ARL17A: variants seen among roughly 807,000 people sequenced by gnomAD.
ARL17A encodes ARF like GTPase 17A.
chr17:46,504,840 C>A, the ARL17A span, among the ~76,000 whole-genome samples: 1 of 117,214 alleles, frequency 8.5e-6, no homozygotes, highest in African/African-American at 3.6e-5. Context: ...AAATAAATTG[C>A]TTTAATAAAT....
chr17:46,554,720 A>ATAAAG lies in ARL17A; in HGVS notation c.*2631_*2635dup. Reference sequence around the variant, plus strand: ...TGCTTGAGGTGATCCAACTTATAGAATAAAGTATCTAGAAAACGAAGAACC... The same window carrying ATAAAG: ...TGCTTGAGGTGATCCAACTTATAGAATAAAGTAAAGTATCTAGAAAACGAAGAACC... On this transcript the variant is annotated 3_prime_UTR_variant, in exon 4 of 4. Coordinates refer to ENST00000336125, the MANE Select transcript of ARL17A (RefSeq NM_001113738.2). 2.3e-4 allele frequency: 8 copies of ATAAAG among 34,668 alleles called. No individual in the cohort carries two copies. The highest frequency in any genetic ancestry group is 2.2e-4 in the Non-Finnish European group (5 of 23,252). The allele number at this position is 34,668 out of a possible 1,614,324, so 2.1% of individuals were successfully genotyped here.
At chr17:46,575,050 C>G (rs1481396552) in intron 2 of ARL17A, among the ~76,000 whole-genome samples, 1 of 81,192 alleles carries the variant, frequency 1.2e-5, no homozygotes, top group African/African-American at 3.8e-5. Context: ...GAGCCGAGAT[C>G]GCGCCACTGT....
At chr17:46,509,931 AAAAC>A in the ARL17A span, among the ~76,000 whole-genome samples, 11 of 70,328 alleles carry the variant, frequency 1.6e-4, 3 homozygotes, top group African/African-American at 4.7e-4. Context: ...AAAGAAAAGA[AAAAC>A]AACTCAAGGG....
intron 4 of ARL17A, among the ~76,000 whole-genome samples, chr17:46,532,013 T>G: frequency 6.7e-6 from 1 of 149,358 alleles, no homozygotes; most frequent in Non-Finnish European, 1.5e-5. Flanking sequence ...TCCACCTTCA[T>G]TATTTTGCAC....
Position 46,529,533 on chromosome 17 carries a change from C to T in ARL17A, c.336-674G>A, listed in dbSNP as rs1167486385. Among the ~76,000 whole-genome samples the T allele has an allele frequency of 5.9e-5, 6 of 101,620 alleles. 1 individual carries two copies. In the South Asian group the frequency reaches 9.6e-4, roughly 16 times the overall value. The allele number at this position is 101,620 out of a possible 152,430, so 66.7% of individuals were successfully genotyped here. A position where few individuals can be genotyped will look rare whatever the true frequency, so the allele number is the denominator to read the frequency against. ...GAATCTAAAAACACTCAAGGCTGGGCGCGCTGGCTCATGCCTGTAATCCCA... is the reference window on the plus strand; with the variant it reads ...GAATCTAAAAACACTCAAGGCTGGGTGCGCTGGCTCATGCCTGTAATCCCA... On this transcript the variant is annotated intron_variant, in intron 4 of 4. Coordinates refer to the ARL17A transcript ENST00000329240.
At chr17:46,568,930 C>CT (rs1213869251) in intron 3 of ARL17A, among the ~76,000 whole-genome samples, 1 of 124,372 alleles carries the variant, frequency 8.0e-6, no homozygotes, top group East Asian at 2.3e-4. Flanking sequence ...AGAAAGGATA[C>CT]TTTTTTTTTC....
chr17:46,515,985 T>C (rs2051220149), downstream of ARL17A, among the ~76,000 whole-genome samples: 1 of 118,206 alleles, frequency 8.5e-6, no homozygotes, highest in African/African-American at 3.4e-5. Flanking sequence ...AGTATGCTAC[T>C]GTCTCCAGAA....
At chr17:46,551,599 A>G (rs1474960619), downstream of ARL17A, among the ~76,000 whole-genome samples, 3 of 149,732 alleles carry the variant, frequency 2.0e-5, no homozygotes, top group Non-Finnish European at 2.9e-5. Flanking sequence ...CCTTCCCTGA[A>G]TATTCCAGCC....
At chr17:46,542,759 T>C (rs1487855445) in intron 3 of ARL17A, among the ~76,000 whole-genome samples, 1 of 150,410 alleles carries the variant, frequency 6.6e-6, no homozygotes, top group Admixed American at 6.6e-5. Context: ...GGGGCCCTAT[T>C]GTGAGTTTGT....
At chr17:46,530,466 G>T (rs545313464) in intron 4 of ARL17A, among the ~76,000 whole-genome samples, 2 of 139,366 alleles carry the variant, frequency 1.4e-5, no homozygotes, top group East Asian at 4.3e-4. Flanking sequence ...AGAGGAGGGG[G>T]ATCACAAGGC....
intron 4 of ARL17A, among the ~76,000 whole-genome samples, chr17:46,533,323 CGTT>C (rs1445213607): frequency 1.2e-5 from 1 of 84,724 alleles, no homozygotes; most frequent in Non-Finnish European, 2.0e-5. Context: ...AATTTTATAA[CGTT>C]GTAGTTCAGA....
chr17:46,558,795 TC>T lies in ARL17A; in HGVS notation c.260-1166del, dbSNP rs2057437001. 3.1e-5 allele frequency: 4 copies of T among 128,612 alleles called. No homozygotes were observed. In the South Asian group the frequency reaches 9.5e-4, roughly 30 times the overall value. The allele number at this position is 128,612 out of a possible 1,614,324, so 8.0% of individuals were successfully genotyped here. ...TCGATGCCTCCCTTCTAACTCACAC[TC>T]CCCTATATCAATCTCCCAGAAAAAG... On this transcript the variant is annotated intron_variant, in intron 3 of 3. Transcript: ENST00000336125.
downstream of ARL17A, chr17:46,528,661 A>G: frequency 1.8e-6 from 1 of 564,338 alleles, no homozygotes; most frequent in Non-Finnish European, 3.0e-6. Flanking sequence ...TGGAGTTTGC[A>G]GTGAGCCAAG....
chr17:46,535,281 A>G (rs946222209), intron 4 of ARL17A, among the ~76,000 whole-genome samples: 10 of 145,612 alleles, frequency 6.9e-5, no homozygotes, highest in Non-Finnish European at 1.2e-4. Flanking sequence ...TGCTGCTTTC[A>G]AGATATTCTG....
intron 3 of ARL17A, among the ~76,000 whole-genome samples, chr17:46,558,351 C>T (rs1163750637): frequency 2.8e-5 from 3 of 108,832 alleles, no homozygotes; most frequent in Admixed American, 9.1e-5. Context: ...CGAGCTACCG[C>T]GCCTGGCTTG....
intron 4 of ARL17A, among the ~76,000 whole-genome samples, chr17:46,532,167 G>A (rs1422328019): frequency 6.7e-6 from 1 of 149,302 alleles, no homozygotes; most frequent in Non-Finnish European, 1.5e-5. Flanking sequence ...CCAAAATGCT[G>A]GGATTACAGG....
chr17:46,530,366 C>G (rs1408198002), intron 4 of ARL17A, among the ~76,000 whole-genome samples: 1 of 143,426 alleles, frequency 7.0e-6, no homozygotes, highest in Non-Finnish European at 1.5e-5. Flanking sequence ...TCATGTGGCA[C>G]TCACATTCTT....
chr17:46,532,055 G>T (rs1423224680), intron 4 of ARL17A, among the ~76,000 whole-genome samples: 1 of 150,242 alleles, frequency 6.7e-6, no homozygotes, highest in Admixed American at 6.6e-5. Context: ...TTACACTCAA[G>T]CCTGGGCAAC....
intron 3 of ARL17A, among the ~76,000 whole-genome samples, chr17:46,519,864 G>A (rs1469929366): frequency 7.1e-6 from 1 of 140,600 alleles, no homozygotes; most frequent in Non-Finnish European, 1.5e-5. Flanking sequence ...TAAGGTTTGG[G>A]AAAAGAGAGG....
Sources: allele counts gnomAD v4.1 joint callset (sites outside exome capture counted in the v4.1 genomes callset), GRCh38; gene constraint gnomAD v4.1.1; transcripts MANE v1.5; gene names NCBI Gene and HGNC (gene_info 2026-07-23, HGNC 2026-07-21).